Variants in SLC30A5 observed in about 807,000 individuals in gnomAD.
The protein encoded by SLC30A5 is proton-coupled zinc antiporter SLC30A5.
A neutral mutation model predicts 79.6 loss-of-function variants in SLC30A5; 33 were observed. The observed-to-expected ratio is 0.41, with a 90% CI of 0.31 to 0.55. The LOEUF (loss-of-function observed/expected upper bound fraction) is 0.55, where lower values mean the gene tolerates loss of function less well. Ranked by LOEUF, SLC30A5 falls within the 20% of genes least tolerant of loss-of-function variation. SLC30A5 has a pLI of 0.20. For synonymous variants in SLC30A5, 299 were observed against 319.7 expected, an observed-to-expected ratio of 0.94 and a Z score of 0.69; for missense variants, 788 against 928.1, an observed-to-expected ratio of 0.85 and a Z score of 1.96.
chr5:69,107,920 A>T (rs1746127917), intron 4 of SLC30A5, among the ~76,000 whole-genome samples: 3 of 152,048 alleles, frequency 2.0e-5, no homozygotes, highest in Admixed American at 2.0e-4. Flanking sequence ...TTTAGTAGAG[A>T]TGGGGTTTCA....
Position 69,104,422 on chromosome 5 carries a change from A to G in SLC30A5, c.274-209A>G, listed in dbSNP as rs1746024690. 7 of 1,299,954 alleles carry G rather than the reference A, an allele frequency of 5.4e-6. No homozygotes were observed. In the East Asian group the frequency reaches 2.5e-4, roughly 46 times the overall value. 80.5% of individuals were successfully genotyped at this position (1,299,954 alleles called of 1,614,324 possible). A position where few individuals can be genotyped will look rare whatever the true frequency, so the allele number is the denominator to read the frequency against. The stretch of plus-strand genomic sequence containing the variant: ...CTCACAAAGTGCTAGGATTACAGGC[A>G]TGAGCCACAGCACCCGGCCCAGAAT... On this transcript the variant is annotated intron_variant, in intron 3 of 15. Coordinates refer to ENST00000396591, the MANE Select transcript of SLC30A5 (RefSeq NM_022902.5).
At position 69,115,135 on chromosome 5, in the gene SLC30A5, GAAAAAAAAA is replaced by G. The variant is rs60614154; in HGVS notation, c.613-80_613-72del. 3.8e-3 allele frequency: 2,038 copies of G among 539,446 alleles called. 45 individuals carry two copies. In the African/African-American group the frequency reaches 0.054, roughly 14 times the overall value. The allele number at this position is 539,446 out of a possible 1,614,324, so 33.4% of individuals were successfully genotyped here. On this transcript the variant is annotated intron_variant, in intron 7 of 15. Transcript: ENST00000396591. ...GGCAGAGCAAGACCCTGTCTCTGGG[GAAAAAAAAA>G]AAAAAAAAAAAAAAAAAAAAAGATC... is the stretch of plus-strand genomic sequence containing the variant.
Position 69,116,145 on chromosome 5 carries a change from G to A in SLC30A5, c.1003G>A (p.Ala335Thr), listed in dbSNP as rs764479871. 1.3e-5 allele frequency: 21 copies of A among 1,614,038 alleles called. No individual in the cohort carries two copies. In the Admixed American group the frequency reaches 3.5e-4, roughly 27 times the overall value. Residue 335 changes from alanine to threonine, a missense_variant, in exon 9 of 16, where the codon GCA (alanine) becomes ACA (threonine). This residue lies in a region of SLC30A5 where 626 missense variants were observed against 755.5 expected (regional missense o/e 0.83). Transcript: ENST00000396591. The surrounding 1 kb of genome is among the most constrained non-coding windows in gnomAD (Gnocchi z 4.0). ...CCAGCTTCGGGCTATGAACAAAGCA[G>A]CACACCAGGAGAGCACTGAACACGT... ...TDQLRAMNKAAHQESTEHVLS... is the reference protein window; with the variant it reads ...TDQLRAMNKATHQESTEHVLS...
intron 13 of SLC30A5, among the ~76,000 whole-genome samples, chr5:69,122,305 AAGAATCGCTTAC>A (rs1746558207): frequency 6.6e-6 from 1 of 152,022 alleles, no homozygotes; most frequent in Non-Finnish European, 1.5e-5. Context: ...GCCGAGGCAG[AAGAATCGCTTAC>A]AGGTGTGAGC....
At chr5:69,095,357 C>T (rs574743291) in intron 1 of SLC30A5, among the ~76,000 whole-genome samples, 1 of 152,100 alleles carries the variant, frequency 6.6e-6, no homozygotes, top group East Asian at 1.9e-4. Flanking sequence ...TACTCCACCA[C>T]GCCTGGCTAA....
chr5:69,103,216 A>G (rs1425565965), intron 3 of SLC30A5, 88 bp downstream of exon 3: 2 of 677,566 alleles, frequency 3.0e-6, no homozygotes, highest in Non-Finnish European at 5.2e-6. Flanking sequence ...TGGGTACTTA[A>G]TGAATGATTT....
intron 1 of SLC30A5, among the ~76,000 whole-genome samples, chr5:69,094,864 T>C (rs951185327): frequency 2.7e-5 from 4 of 148,860 alleles, no homozygotes; most frequent in Admixed American, 1.3e-4. Flanking sequence ...AAATAAGAAA[T>C]GTGTCCTCGT....
Position 69,104,698 on chromosome 5 carries a change from C to G in SLC30A5, c.341C>G (p.Thr114Ser). The change falls in exon 4 of 16, where the codon ACT (threonine) becomes AGT (serine). Residue 114 changes from threonine (T) to serine (S), a missense_variant. By Grantham distance (58) the Thr-to-Ser change is moderately conservative. Coordinates refer to ENST00000396591, the MANE Select transcript of SLC30A5 (RefSeq NM_022902.5). The stretch of plus-strand genomic sequence containing the variant: ...TCACTCTTGTGGTTTTTTGGCCTCA[C>G]TCTTTGTGGACCACTAAGGTAAATA... ...IISLLWFFGL[T>S]LCGPLRTLLL... The G allele has an allele frequency of 6.3e-7, 1 of 1,594,578 alleles. No homozygotes were observed. Among genetic ancestry groups the G allele is most frequent in the Non-Finnish European group, 8.5e-7 (1 of 1,173,056 alleles).
intron 11 of SLC30A5, among the ~76,000 whole-genome samples, chr5:69,118,033 C>T (rs1203311566): frequency 9.9e-5 from 15 of 150,872 alleles, no homozygotes; most frequent in African/African-American, 3.2e-4. Flanking sequence ...AAAAATTAGC[C>T]GGGCGTAGTG....
chr5:69,113,054 T>C, intron 5 of SLC30A5, 86 bp from the exon 6 acceptor site: 2 of 1,052,936 alleles, frequency 1.9e-6, no homozygotes, highest in Non-Finnish European at 2.8e-6. Flanking sequence ...CTTGAGAAAA[T>C]GTTTTTCTTT....
intron 2 of SLC30A5, chr5:69,102,445 A>G (rs1745955088): frequency 6.6e-6 from 1 of 152,154 alleles, no homozygotes; most frequent in African/African-American, 2.4e-5. Flanking sequence ...TACTATTTCA[A>G]GATTTATTAC....
intron 14 of SLC30A5, among the ~76,000 whole-genome samples, chr5:69,125,868 C>T (rs1746669515): frequency 2.0e-5 from 1 of 50,004 alleles, no homozygotes; most frequent in Non-Finnish European, 3.1e-5. Context: ...GAGACTCCGT[C>T]TCAAAAAAAA....
chr5:69,119,020 C>T (rs1746465753), intron 12 of SLC30A5, among the ~76,000 whole-genome samples: 1 of 151,960 alleles, frequency 6.6e-6, no homozygotes, highest in South Asian at 2.1e-4. Flanking sequence ...AGGCTGGTCT[C>T]GAACTACTGA....
chr5:69,106,265 T>C (rs1389447337), intron 4 of SLC30A5, among the ~76,000 whole-genome samples: 5 of 152,220 alleles, frequency 3.3e-5, no homozygotes, highest in Non-Finnish European at 7.3e-5. Context: ...GCTAGCTGAA[T>C]TTCCTAGCTT....
chr5:69,108,118 A>G (rs1746136212), intron 4 of SLC30A5, among the ~76,000 whole-genome samples: 1 of 152,222 alleles, frequency 6.6e-6, no homozygotes. Context: ...ATACAAGAAT[A>G]AGAAATCTGT....
At chr5:69,124,081 T>C (rs350110) in intron 14 of SLC30A5, among the ~76,000 whole-genome samples, 56,321 of 136,274 alleles carry the variant, frequency 0.41, 11,509 homozygotes, top group East Asian at 0.55. Context: ...CCACTACACT[T>C]CAGCCTGGGT....
rs1282801046 is a variant in SLC30A5, at chr5:69,116,077, G to C, written c.935G>C (p.Ser312Thr). ...TATGGATCCTTTCCCATTTTTATTAGTGCTCTCCTTTTTGGAAATTTTTGG... is the reference window on the plus strand; with the variant it reads ...TATGGATCCTTTCCCATTTTTATTACTGCTCTCCTTTTTGGAAATTTTTGG... ...ARYGSFPIFI[S>T]ALLFGNFWTH... Residue 312 changes from serine to threonine, a missense_variant, in exon 9 of 16, where the codon AGT becomes ACT. By Grantham distance (58) the Ser-to-Thr change is moderately conservative (BLOSUM62 1). Around this residue, in one of 3 missense-constraint regions of SLC30A5, gnomAD observed 626 missense variants for 755.5 expected, o/e 0.83. Coordinates refer to ENST00000396591, the MANE Select transcript of SLC30A5 (RefSeq NM_022902.5). This position sits in a 1 kb window ranked among gnomAD's most constrained non-coding sequence, Gnocchi z 4.0. 1 of 1,613,912 alleles carries C rather than the reference G, an allele frequency of 6.2e-7. No homozygotes were observed. Among genetic ancestry groups the C allele is most frequent in the Non-Finnish European group, 8.5e-7 (1 of 1,180,004 alleles).
At chr5:69,122,839 A>G (rs1561298202) in intron 13 of SLC30A5, among the ~76,000 whole-genome samples, 1 of 127,126 alleles carries the variant, frequency 7.9e-6, no homozygotes, top group Admixed American at 8.2e-5. Flanking sequence ...TTATTGCACT[A>G]TAAAAAAAAT....
At chr5:69,121,161 A>AAT (rs1380529230) in intron 12 of SLC30A5, among the ~76,000 whole-genome samples, 2 of 152,196 alleles carry the variant, frequency 1.3e-5, no homozygotes, top group African/African-American at 4.8e-5. Context: ...TTTTAATTTA[A>AAT]ATAAATGCGA....
Sources: gnomAD v4.1 joint callset for allele counts (sites outside exome capture counted in the v4.1 genomes callset) on GRCh38, gnomAD v4.1.1 for gene constraint, gnomAD v4.1.1 regional missense constraint, Gnocchi (gnomAD v3.1) non-coding constraint, MANE v1.5 for transcripts, NCBI Gene and HGNC (gene_info 2026-07-23, HGNC 2026-07-21) for gene names.